Variants in IL1RAPL2 observed in about 807,000 individuals in gnomAD.
The protein encoded by IL1RAPL2 is interleukin 1 receptor accessory protein like 2.
In IL1RAPL2, 3 loss-of-function variants were observed where a neutral mutation model predicts 44.1. The ratio of observed to expected loss-of-function variants is 0.07; its 90% confidence interval spans 0.03 to 0.18. The LOEUF (loss-of-function observed/expected upper bound fraction) is 0.18, where lower values mean the gene tolerates loss of function less well. IL1RAPL2 is among the 10% of genes least tolerant of loss of function. The pLI is 1.00. For synonymous variants in IL1RAPL2, 181 were observed against 178.8 expected (o/e 1.01, Z -0.10); for missense variants, 391 against 496.4 (o/e 0.79, Z 2.02).
In IL1RAPL2 at chrX:104,655,500, C is replaced by G. The variant is rs767357345; in HGVS notation, c.-19-3395C>G. 2.2e-3 allele frequency among the ~76,000 whole-genome samples: 248 copies of G among 111,860 alleles called. 1 individual carries two copies. The South Asian group carries it at 0.037, about 16-fold the overall frequency. ...TATTGATTTGCATATTTTGAACCAG[C>G]CTTGCATCCCAGGGATGAAGCCCAC... On this transcript the variant is annotated intron_variant, in intron 1 of 10. Transcript: ENST00000372582.
intron 2 of IL1RAPL2, among the ~76,000 whole-genome samples, chrX:104,809,554 A>C (rs866097343): frequency 4.6e-5 from 5 of 109,309 alleles, no homozygotes; most frequent in East Asian, 2.9e-4. Context: ...CATGTCCTTC[A>C]CCCACTTTTT....
intron 2 of IL1RAPL2, among the ~76,000 whole-genome samples, chrX:104,866,716 A>G (rs1602768197): frequency 8.9e-6 from 1 of 111,953 alleles, no homozygotes; most frequent in East Asian, 2.8e-4. Flanking sequence ...AACAAATGAA[A>G]GTGAATATAA....
At chrX:104,844,025 T>C (rs1252689525) in intron 2 of IL1RAPL2, among the ~76,000 whole-genome samples, 1 of 110,734 alleles carries the variant, frequency 9.0e-6, no homozygotes, top group East Asian at 2.8e-4. Context: ...ATTCCCACTA[T>C]AAATGTTCTT....
chrX:104,582,646 T>TTCTC (rs1299225496), intron 1 of IL1RAPL2, among the ~76,000 whole-genome samples: 15 of 90,652 alleles, frequency 1.7e-4, no homozygotes, highest in Non-Finnish European at 2.6e-4. Context: ...CTTTCTCTCT[T>TTCTC]TCTTTCTTTC....
chrX:104,638,194 A>G (rs770626801), intron 1 of IL1RAPL2, among the ~76,000 whole-genome samples: 1 of 110,752 alleles, frequency 9.0e-6, no homozygotes, highest in Non-Finnish European at 1.9e-5. Context: ...GTATTTCTGT[A>G]GTATCAGTTG....
chrX:105,043,578 A>C (rs777975141), intron 2 of IL1RAPL2, among the ~76,000 whole-genome samples: 3 of 110,142 alleles, frequency 2.7e-5, no homozygotes, highest in Non-Finnish European at 3.8e-5. Flanking sequence ...AAAAAAAAAA[A>C]AAAACATGTT....
chrX:104,855,833 T>A (rs2147644771), intron 2 of IL1RAPL2, among the ~76,000 whole-genome samples: 1 of 107,131 alleles, frequency 9.3e-6, no homozygotes, highest in South Asian at 4.3e-4. Flanking sequence ...CCTGGCTAAT[T>A]TTTTATTTTT....
In IL1RAPL2 at chrX:105,538,479, C is replaced by A. The variant is rs144463636; in HGVS notation, c.772+54092C>A. ...CAGAAAGACACAAACTTTCTACAAC[C>A]ACATCTACTGCAATGATCACTCCAC... On this transcript the variant is annotated intron_variant, in intron 6 of 10. Transcript: ENST00000372582. Among the ~76,000 whole-genome samples, 534 of 111,530 alleles carry A rather than the reference C, an allele frequency of 4.8e-3. 5 individuals carry two copies. The highest frequency in any genetic ancestry group is 0.016 in the African/African-American group (494 of 30,731).
intron 2 of IL1RAPL2, among the ~76,000 whole-genome samples, chrX:104,915,037 T>C (rs914222538): frequency 8.9e-6 from 1 of 112,042 alleles, no homozygotes; most frequent in African/African-American, 3.3e-5. Flanking sequence ...CATGTGCATG[T>C]GTCTTTATAG....
intron 2 of IL1RAPL2, among the ~76,000 whole-genome samples, chrX:104,946,092 C>T (rs1450931829): frequency 2.7e-5 from 3 of 109,226 alleles, no homozygotes; most frequent in Non-Finnish European, 3.8e-5. Flanking sequence ...ATCTTCACAA[C>T]GATTTTTTTT....
chrX:105,143,055 CTT>C (rs1188048721), intron 2 of IL1RAPL2, among the ~76,000 whole-genome samples: 1 of 111,104 alleles, frequency 9.0e-6, no homozygotes, highest in African/African-American at 3.3e-5. Context: ...GGTTCCAAGT[CTT>C]TGCTATTGTG....
intron 2 of IL1RAPL2, among the ~76,000 whole-genome samples, chrX:104,685,713 T>G (rs1930973619): frequency 9.0e-6 from 1 of 110,903 alleles, no homozygotes; most frequent in East Asian, 2.8e-4. Context: ...GGCACATGTA[T>G]ACATATGTAA....
intron 2 of IL1RAPL2, among the ~76,000 whole-genome samples, chrX:105,191,345 G>A (rs1011644675): frequency 8.9e-6 from 1 of 112,303 alleles, no homozygotes; most frequent in East Asian, 2.8e-4. Context: ...CTCCCAAGTA[G>A]CTGGGACTAC....
Position 105,543,511 on chromosome X carries a change from C to A in IL1RAPL2, c.772+59124C>A, listed in dbSNP as rs766568547. Among the ~76,000 whole-genome samples the A allele has an allele frequency of 1.3e-4, 15 of 111,684 alleles. No individual in the cohort carries two copies. The East Asian group carries it at 4.3e-3, about 32-fold the overall frequency. Reference sequence around the variant, plus strand: ...GATACAATGAGGTCCTTTACAAGTTCTTTTCTAGATGGCATTGGTTTTCAC... The same window carrying A: ...GATACAATGAGGTCCTTTACAAGTTATTTTCTAGATGGCATTGGTTTTCAC... On this transcript the variant is annotated intron_variant, in intron 6 of 10. Coordinates refer to ENST00000372582, the MANE Select transcript of IL1RAPL2 (RefSeq NM_017416.2).
intron 6 of IL1RAPL2, among the ~76,000 whole-genome samples, chrX:105,682,163 A>G (rs1366001313): frequency 8.9e-6 from 1 of 112,366 alleles, no homozygotes; most frequent in Non-Finnish European, 1.9e-5. Flanking sequence ...GATTAAATCT[A>G]TTATTAAAGA....
chrX:105,725,176 G>T (rs1043519679), intron 7 of IL1RAPL2, among the ~76,000 whole-genome samples: 14 of 111,541 alleles, frequency 1.3e-4, no homozygotes, highest in African/African-American at 3.3e-4. Context: ...TCCCAACAGA[G>T]AGTCATTTTC....
chrX:105,355,004 A>G (rs2035190664), intron 5 of IL1RAPL2, among the ~76,000 whole-genome samples: 1 of 111,617 alleles, frequency 9.0e-6, no homozygotes, highest in African/African-American at 3.3e-5. Flanking sequence ...TTAATCACAA[A>G]GCCCTGTCAT....
intron 6 of IL1RAPL2, among the ~76,000 whole-genome samples, chrX:105,589,721 T>G (rs1431670066): frequency 9.0e-6 from 1 of 111,040 alleles, no homozygotes; most frequent in Admixed American, 9.6e-5. Flanking sequence ...ACCTCTATTC[T>G]GTTCCTTTGG....
intron 1 of IL1RAPL2, among the ~76,000 whole-genome samples, chrX:104,608,242 G>C (rs1929062752): frequency 9.1e-6 from 1 of 110,419 alleles, no homozygotes. Context: ...GTGGGGGGCT[G>C]TGGGAGGGAT....
Sources: gnomAD v4.1 joint callset for allele counts (sites outside exome capture counted in the v4.1 genomes callset) on GRCh38, gnomAD v4.1.1 for gene constraint, MANE v1.5 for transcripts, NCBI Gene and HGNC (gene_info 2026-07-23, HGNC 2026-07-21) for gene names.